Variants in HAO1 observed in about 807,000 individuals in gnomAD.
The protein encoded by HAO1 is 2-Hydroxyacid oxidase 1.
HAO1 carries 34 observed loss-of-function variants against 39.7 expected under a neutral mutation model. That is an observed-to-expected ratio of 0.86 (90% CI 0.65 to 1.14). The LOEUF (loss-of-function observed/expected upper bound fraction) is 1.14, where lower values mean the gene tolerates loss of function less well. Among genes scored for constraint, HAO1 ranks in the 50% most tolerant of loss-of-function variants. The probability of loss-of-function intolerance (pLI) is 0.00; values close to 1 mark genes in which losing one functional copy is unlikely to be tolerated. For missense variants in HAO1, 479 were observed against 464.5 expected (o/e 1.03, Z -0.29); for synonymous variants, 172 against 173.2 (o/e 0.99, Z 0.05).
At chr20:7,930,488 T>A (rs1412107270) in intron 2 of HAO1, among the ~76,000 whole-genome samples, 2 of 152,192 alleles carry the variant, frequency 1.3e-5, no homozygotes, top group Non-Finnish European at 2.9e-5. Flanking sequence ...TTATCCTGGT[T>A]TGCATACTTC....
chr20:7,886,341 T>C (rs1256924679), intron 5 of HAO1, among the ~76,000 whole-genome samples: 4 of 152,068 alleles, frequency 2.6e-5, no homozygotes, highest in African/African-American at 7.2e-5. Context: ...GCCTAGCTAA[T>C]TTTTGTATTT....
intron 4 of HAO1, among the ~76,000 whole-genome samples, chr20:7,903,853 G>A (rs901840737): frequency 2.8e-5 from 4 of 141,130 alleles, no homozygotes; most frequent in African/African-American, 1.1e-4. Flanking sequence ...TGGAGATTGT[G>A]GTAGCGGTGG....
In HAO1 at chr20:7,895,150, C is replaced by T. The variant is rs148598378; in HGVS notation, c.796G>A (p.Asp266Asn). The change falls in exon 5 of 8, where the codon GAT becomes AAT. Residue 266 changes from aspartate to asparagine, a missense_variant. Asp to Asn is a conservative substitution (Grantham distance 23). Coordinates refer to ENST00000378789, the MANE Select transcript of HAO1 (RefSeq NM_017545.3). ...LVSNHGARQL[D>N]GVPATIDVLP... Reference sequence around the variant, plus strand: ...AAACTCACAGTGGCTGGCACCCCATCGAGTTGTCGAGCCCCATGATTCGAC... The same window carrying T: ...AAACTCACAGTGGCTGGCACCCCATTGAGTTGTCGAGCCCCATGATTCGAC... 37 of 1,610,172 alleles carry T rather than the reference C, an allele frequency of 2.3e-5. No individual in the cohort carries two copies. The highest frequency in any genetic ancestry group is 1.5e-4 in the African/African-American group (11 of 74,792).
Position 7,913,969 on chromosome 20 carries a change from A to C in HAO1, c.545+195T>G, listed in dbSNP as rs76583267. Among the ~76,000 whole-genome samples, 587 of 152,260 alleles carry C rather than the reference A, an allele frequency of 3.9e-3. 5 individuals carry two copies. The highest frequency in any genetic ancestry group is 0.014 in the Middle Eastern group (4 of 294). On this transcript the variant is annotated intron_variant, in intron 3 of 7. Transcript: ENST00000378789. ...AGCCCTTAATGCACTCTGGTCTGAA[A>C]ATTTATTGGACTTTTATAGAGGCCA...
In HAO1 at chr20:7,914,237, T is replaced by G; in HGVS notation, c.472A>C (p.Thr158Pro). The change falls in exon 3 of 8, where the codon ACA (threonine) becomes CCA (proline). Residue 158 changes from threonine (T) to proline (P), a missense_variant. Transcript: ENST00000378789. ...TTGCCCAGGTAAGGTGTGTCCACTG[T>G]CACAAATATGGCCTTGTAGCCCATC... ...EKMGYKAIFVTVDTPYLGNRL... is the reference protein window; with the variant it reads ...EKMGYKAIFVPVDTPYLGNRL... 1 of 1,614,038 alleles carries G rather than the reference T, an allele frequency of 6.2e-7. No homozygotes were observed.
At chr20:7,934,365 T>G in intron 2 of HAO1, 119 bp downstream of exon 2, 16 of 686,018 alleles carry the variant, frequency 2.3e-5, no homozygotes, top group Non-Finnish European at 3.8e-5. Flanking sequence ...ATAGAGTCCA[T>G]GAGCTTAATG....
intron 2 of HAO1, among the ~76,000 whole-genome samples, chr20:7,931,825 G>A (rs2050387153): frequency 6.6e-6 from 1 of 152,014 alleles, no homozygotes; most frequent in East Asian, 1.9e-4. Context: ...ACCATCAAAT[G>A]TGACTTGGAG....
chr20:7,900,862 C>A (rs1047785662), intron 4 of HAO1, among the ~76,000 whole-genome samples: 2 of 152,100 alleles, frequency 1.3e-5, no homozygotes, highest in African/African-American at 4.8e-5. Context: ...GCTCCTTGTG[C>A]CAAACAGCTA....
chr20:7,922,854 AT>A (rs545529048), intron 2 of HAO1, among the ~76,000 whole-genome samples: 1 of 152,132 alleles, frequency 6.6e-6, no homozygotes, highest in Non-Finnish European at 1.5e-5. Context: ...TGATATAAAA[AT>A]AAATGAGATT....
intron 2 of HAO1, among the ~76,000 whole-genome samples, chr20:7,933,274 G>C (rs1476902314): frequency 6.6e-6 from 1 of 151,736 alleles, no homozygotes; most frequent in East Asian, 1.9e-4. Flanking sequence ...ATTTCTTTCA[G>C]TTTACCATTT....
chr20:7,935,488 A>T (rs747556534), intron 1 of HAO1, among the ~76,000 whole-genome samples: 3 of 152,206 alleles, frequency 2.0e-5, no homozygotes, highest in Admixed American at 6.5e-5. Flanking sequence ...AATTACTTTT[A>T]AAATTATAAT....
intron 7 of HAO1, 69 bp downstream of exon 7, chr20:7,885,452 C>T (rs1184221968): frequency 2.0e-6 from 2 of 989,068 alleles, no homozygotes; most frequent in Non-Finnish European, 3.2e-6. Context: ...AAATTCACTT[C>T]TCTCCACCAA....
At chr20:7,897,694 T>C (rs1413101456) in intron 4 of HAO1, among the ~76,000 whole-genome samples, 2 of 152,134 alleles carry the variant, frequency 1.3e-5, no homozygotes, top group Non-Finnish European at 2.9e-5. Context: ...ATGTATATTT[T>C]CAACTTTTTT....
chr20:7,919,678 G>C (rs926331600), intron 2 of HAO1, among the ~76,000 whole-genome samples: 1 of 152,140 alleles, frequency 6.6e-6, no homozygotes, highest in Admixed American at 6.5e-5. Context: ...ATCATCTACT[G>C]GGGCAATGTT....
chr20:7,934,947 A>G (rs904510024), intron 1 of HAO1, among the ~76,000 whole-genome samples: 1 of 152,232 alleles, frequency 6.6e-6, no homozygotes, highest in Non-Finnish European at 1.5e-5. Flanking sequence ...CTGCCATGAC[A>G]ATCAAGATCT....
At chr20:7,890,930 C>A (rs1440220644) in intron 5 of HAO1, among the ~76,000 whole-genome samples, 1 of 152,200 alleles carries the variant, frequency 6.6e-6, no homozygotes, top group African/African-American at 2.4e-5. Flanking sequence ...ACCACGGTTT[C>A]TTTGTCCACT....
chr20:7,922,218 C>G (rs1470033245), intron 2 of HAO1, among the ~76,000 whole-genome samples: 2 of 152,048 alleles, frequency 1.3e-5, no homozygotes, highest in Non-Finnish European at 1.5e-5. Context: ...CACTAATTAT[C>G]AGGGAAATTT....
chr20:7,935,116 T>C (rs1468304628), intron 1 of HAO1, among the ~76,000 whole-genome samples: 1 of 152,212 alleles, frequency 6.6e-6, no homozygotes, highest in Non-Finnish European at 1.5e-5. Context: ...GTATGTAGCC[T>C]TTTGAGTTTG....
chr20:7,895,359 T>C, intron 4 of HAO1, 135 bp from the exon 5 acceptor site: 1 of 628,298 alleles, frequency 1.6e-6, no homozygotes, highest in Non-Finnish European at 2.9e-6. Flanking sequence ...AGCATAAAAG[T>C]ATACCCTAGG....
Sources: gnomAD v4.1 joint callset for allele counts (sites outside exome capture counted in the v4.1 genomes callset) on GRCh38, gnomAD v4.1.1 for gene constraint, MANE v1.5 for transcripts, NCBI Gene and HGNC (gene_info 2026-07-23, HGNC 2026-07-21) for gene names.